The following SGK1 variants were observed in gnomAD, a reference collection of about 807,000 sequenced individuals.
SGK1 encodes serum/glucocorticoid regulated kinase 1.
SGK1 carries 26 observed loss-of-function variants against 64.2 expected under a neutral mutation model. That is an observed-to-expected ratio of 0.40 (90% CI 0.30 to 0.56). SGK1 has a LOEUF of 0.56. Among genes scored for constraint, SGK1 ranks in the 20% least tolerant of loss-of-function variants. SGK1 has a pLI of 0.38. For synonymous variants in SGK1, 265 were observed against 239.7 expected, an observed-to-expected ratio of 1.11 and a Z score of -0.98; for missense variants, 519 against 645.6, an observed-to-expected ratio of 0.80 and a Z score of 2.12.
chr6:134,290,816 A>G (rs1486993557), intron 1 of SGK1, among the ~76,000 whole-genome samples: 1 of 151,870 alleles, frequency 6.6e-6, no homozygotes, highest in East Asian at 1.9e-4. Flanking sequence ...CCTATAAACT[A>G]CTCATGTCTT....
At chr6:134,300,517 A>G (rs1433909152) in intron 1 of SGK1, among the ~76,000 whole-genome samples, 2 of 134,044 alleles carry the variant, frequency 1.5e-5, no homozygotes, top group Non-Finnish European at 1.6e-5. Context: ...CAGCCTGGGC[A>G]ACAGCGCAAG....
chr6:134,206,383 A>ATATATATATATT (rs1562250478), intron 3 of SGK1, among the ~76,000 whole-genome samples: 1 of 16,606 alleles, frequency 6.0e-5, no homozygotes, highest in Non-Finnish European at 1.2e-4. Flanking sequence ...ATATATATAT[A>ATATATATATATT]TTTTTTTTTT....
intron 2 of SGK1, chr6:134,261,676 G>C: frequency 1.7e-6 from 1 of 593,282 alleles, no homozygotes; most frequent in Non-Finnish European, 3.0e-6. Context: ...ATACGTGCAT[G>C]GGGACAAGCG....
At chr6:134,219,141 C>T (rs556910423) in intron 2 of SGK1, among the ~76,000 whole-genome samples, 4 of 152,136 alleles carry the variant, frequency 2.6e-5, no homozygotes, top group South Asian at 4.2e-4. Context: ...TGCCACCATG[C>T]CCAGCTAATT....
intron 2 of SGK1, among the ~76,000 whole-genome samples, chr6:134,257,585 T>C (rs1562266492): frequency 3.3e-5 from 5 of 152,174 alleles, no homozygotes; most frequent in African/African-American, 1.2e-4. Context: ...CTTTTTTTCT[T>C]GTTTATTTTC....
At chr6:134,265,795 G>GTATA (rs113465609) in intron 1 of SGK1, among the ~76,000 whole-genome samples, 218 of 148,126 alleles carry the variant, frequency 1.5e-3, no homozygotes, top group African/African-American at 4.9e-3. Flanking sequence ...AATCATAAAT[G>GTATA]TATATATATA....
intron 2 of SGK1, among the ~76,000 whole-genome samples, chr6:134,225,449 A>C (rs1776160564): frequency 6.6e-6 from 1 of 152,054 alleles, no homozygotes; most frequent in Non-Finnish European, 1.5e-5. Flanking sequence ...GGAGGGTACC[A>C]CTGAGGAAGA....
intron 2 of SGK1, among the ~76,000 whole-genome samples, chr6:134,212,131 G>A (rs1775902109): frequency 6.6e-6 from 1 of 151,542 alleles, no homozygotes; most frequent in African/African-American, 2.4e-5. Flanking sequence ...TCGGCTCACT[G>A]CGAGCTCCGC....
intron 1 of SGK1, among the ~76,000 whole-genome samples, chr6:134,278,456 G>A (rs1473565746): frequency 1.3e-5 from 2 of 152,142 alleles, no homozygotes; most frequent in Admixed American, 6.6e-5. Context: ...CCAAACTGGG[G>A]TCTTATTACC....
chr6:134,215,147 TG>T, intron 2 of SGK1: 1 of 428,164 alleles, frequency 2.3e-6, no homozygotes, highest in Non-Finnish European at 4.6e-6. Flanking sequence ...TTTTTTTTTT[TG>T]AGAGAGCTTT....
intron 3 of SGK1, among the ~76,000 whole-genome samples, chr6:134,206,367 ATATATATATATATATATTTTTTTTTT>A (rs1775777942): frequency 1.6e-3 from 13 of 8,256 alleles, no homozygotes; most frequent in South Asian, 7.0e-3. Context: ...ATATATATAT[ATATATATATATATATATTTTTTTTTT>A]TTTTTTTTTT....
intron 2 of SGK1, among the ~76,000 whole-genome samples, chr6:134,258,516 C>T (rs757140192): frequency 6.6e-6 from 1 of 152,136 alleles, no homozygotes; most frequent in African/African-American, 2.4e-5. Context: ...AATAGCCTTG[C>T]CAACATGGTG....
Position 134,186,133 on chromosome 6 carries a change from G to A in SGK1, c.362-11547C>T, listed in dbSNP as rs528539635. Reference sequence around the variant, plus strand: ...TGACACTTAAAATTAACCATCACACGTTCTCACCTTTCAACTTGGCAGCCA... The same window carrying A: ...TGACACTTAAAATTAACCATCACACATTCTCACCTTTCAACTTGGCAGCCA... On this transcript the variant is annotated intron_variant, in intron 3 of 13. Coordinates refer to ENST00000367858, the MANE Select transcript of SGK1 (RefSeq NM_001143676.3). Among the ~76,000 whole-genome samples the A allele has an allele frequency of 3.3e-5, 5 of 152,198 alleles. No homozygotes were observed. The East Asian group carries it at 5.8e-4, about 18-fold the overall frequency.
At chr6:134,205,146 T>C (rs993814448) in intron 3 of SGK1, among the ~76,000 whole-genome samples, 8 of 152,132 alleles carry the variant, frequency 5.3e-5, no homozygotes, top group African/African-American at 1.2e-4. Flanking sequence ...CCCTTTCCAT[T>C]TTCTTTACAT....
chr6:134,215,135 T>TTTCTTTC (rs762956548), intron 2 of SGK1: 3 of 223,688 alleles, frequency 1.3e-5, no homozygotes, highest in South Asian at 4.4e-5. Flanking sequence ...TCTTTCTTTC[T>TTTCTTTC]TTTTTTTTTT....
intron 2 of SGK1, among the ~76,000 whole-genome samples, chr6:134,245,837 G>A (rs924722456): frequency 6.6e-6 from 1 of 152,172 alleles, no homozygotes; most frequent in South Asian, 2.1e-4. Flanking sequence ...TCAAAAGAAG[G>A]TAAAAGAAAT....
intron 2 of SGK1, among the ~76,000 whole-genome samples, chr6:134,233,990 T>C (rs552680440): frequency 6.6e-6 from 1 of 152,246 alleles, no homozygotes; most frequent in Non-Finnish European, 1.5e-5. Flanking sequence ...AGTGTCATAG[T>C]AAAATAACCT....
intron 1 of SGK1, among the ~76,000 whole-genome samples, chr6:134,264,212 T>C (rs551943048): frequency 5.9e-5 from 9 of 151,742 alleles, no homozygotes; most frequent in South Asian, 2.1e-4. Context: ...CTCTGCCTCC[T>C]GGGTTCACGC....
chr6:134,277,670 C>T (rs1777037739), intron 1 of SGK1, among the ~76,000 whole-genome samples: 1 of 152,148 alleles, frequency 6.6e-6, no homozygotes, highest in Admixed American at 6.6e-5. Flanking sequence ...TTCTTCCTTT[C>T]TCCACTCCCC....
Sources: gnomAD v4.1 joint callset for allele counts (sites outside exome capture counted in the v4.1 genomes callset) on GRCh38, gnomAD v4.1.1 for gene constraint, MANE v1.5 for transcripts, NCBI Gene and HGNC (gene_info 2026-07-23, HGNC 2026-07-21) for gene names.